GSE1: variants seen among roughly 807,000 people sequenced by gnomAD.
GSE1 encodes Gse1 coiled-coil protein.
Under a neutral mutation model 112.6 loss-of-function variants are expected in GSE1, and 32 were observed. The ratio of observed to expected loss-of-function variants is 0.28; its 90% CI spans 0.21 to 0.38. The LOEUF is 0.38. Among genes scored for constraint, GSE1 ranks in the 10% least tolerant of loss-of-function variants. The probability of loss-of-function intolerance (pLI) is 1.00; values close to 1 mark genes in which losing one functional copy is unlikely to be tolerated. For synonymous variants in GSE1, 1,115 were observed against 735.6 expected (o/e 1.52, Z -8.35); for missense variants, 2,348 against 1,699.2 (o/e 1.38, Z -6.71).
intron 2 of GSE1, among the ~76,000 whole-genome samples, chr16:85,531,939 C>T (rs2044151091): frequency 6.6e-6 from 1 of 152,154 alleles, no homozygotes; most frequent in South Asian, 2.1e-4. Flanking sequence ...AACACAGATT[C>T]CCCAGGGAGC....
At chr16:85,529,607 T>C (rs2052477966) in intron 2 of GSE1, among the ~76,000 whole-genome samples, 1 of 152,158 alleles carries the variant, frequency 6.6e-6, no homozygotes, top group Middle Eastern at 3.2e-3. Context: ...CCACCCCCAC[T>C]ACGGGGCCCC....
intron 2 of GSE1, among the ~76,000 whole-genome samples, chr16:85,365,499 A>G (rs1038345771): frequency 1.3e-5 from 2 of 152,212 alleles, no homozygotes; most frequent in African/African-American, 2.4e-5. Context: ...AGACAGGTTC[A>G]TTGCAGAGCG....
At chr16:85,417,883 G>A (rs906318908) in intron 2 of GSE1, among the ~76,000 whole-genome samples, 2 of 152,136 alleles carry the variant, frequency 1.3e-5, no homozygotes, top group Non-Finnish European at 1.5e-5. Context: ...TCTGTCGGCC[G>A]GGCTGGAGGG....
chr16:85,410,561 T>C (rs1206945641), intron 2 of GSE1, among the ~76,000 whole-genome samples: 1 of 8,626 alleles, frequency 1.2e-4, no homozygotes. Context: ...GCACTCAGGG[T>C]CCCTCTGATA....
chr16:85,394,982 C>T (rs1003961717), intron 2 of GSE1, among the ~76,000 whole-genome samples: 1 of 152,076 alleles, frequency 6.6e-6, no homozygotes, highest in Non-Finnish European at 1.5e-5. Context: ...GCAATTGAGT[C>T]GGGCCTTGAT....
At chr16:85,526,243 G>A (rs980579878) in intron 2 of GSE1, among the ~76,000 whole-genome samples, 20 of 152,364 alleles carry the variant, frequency 1.3e-4, no homozygotes, top group African/African-American at 4.6e-4. Context: ...GGATTAGCTC[G>A]AGAACCCTCT....
chr16:85,609,269 T>C (rs2047855975), upstream of GSE1, among the ~76,000 whole-genome samples: 2 of 152,232 alleles, frequency 1.3e-5, no homozygotes, highest in African/African-American at 4.8e-5. Flanking sequence ...GACAAGGTCT[T>C]GCTCTGTGGC....
chr16:85,359,414 G>A (rs1315713586), intron 2 of GSE1: 15 of 456,052 alleles, frequency 3.3e-5, no homozygotes, highest in South Asian at 1.4e-4. Flanking sequence ...ACCCCTAGGC[G>A]GAGTTTGGCT....
At chr16:85,491,091 C>G in intron 2 of GSE1, among the ~76,000 whole-genome samples, 1 of 152,208 alleles carries the variant, frequency 6.6e-6, no homozygotes, top group African/African-American at 2.4e-5. Flanking sequence ...AGGGGTACAG[C>G]TGGGCCCCCC....
chr16:85,654,523 C>G, intron 4 of GSE1, 73 bp downstream of exon 4: 1 of 1,323,308 alleles, frequency 7.6e-7, no homozygotes, highest in Non-Finnish European at 1.0e-6. Flanking sequence ...GGTCCCCAGG[C>G]AGCCTGCGGT....
chr16:85,494,635 C>G (rs1164643496), intron 2 of GSE1, among the ~76,000 whole-genome samples: 1 of 152,116 alleles, frequency 6.6e-6, no homozygotes, highest in East Asian at 1.9e-4. Flanking sequence ...AACTCCTGGA[C>G]TCAAGCAACC....
upstream of GSE1, chr16:85,611,418 T>A: frequency 1.0e-6 from 1 of 970,236 alleles, no homozygotes. Flanking sequence ...CACCGTGTGG[T>A]GCGTAAATTA....
At position 85,188,986 on chromosome 16, in the gene GSE1, A is replaced by G. The variant is rs552122508; in HGVS notation, c.2283+17179A>G. On this transcript the variant is annotated intron_variant, in intron 1 of 2. Coordinates refer to the GSE1 transcript ENST00000637419. Reference sequence around the variant, plus strand: ...TTTTATCAGACTTGCTGTGGGGGACATGTGACTCCCAGAATGTAAACAACC... The same window carrying G: ...TTTTATCAGACTTGCTGTGGGGGACGTGTGACTCCCAGAATGTAAACAACC... Among the ~76,000 whole-genome samples the G allele has an allele frequency of 1.2e-4, 19 of 152,262 alleles. No individual in the cohort carries two copies. In the South Asian group the frequency reaches 3.3e-3, roughly 27 times the overall value.
intron 1 of GSE1, among the ~76,000 whole-genome samples, chr16:85,246,235 A>ACACACG (rs1555546403): frequency 1.6e-5 from 2 of 128,840 alleles, no homozygotes; most frequent in Admixed American, 1.5e-4. Context: ...ACACACACAC[A>ACACACG]CACGCACACC....
intron 2 of GSE1, among the ~76,000 whole-genome samples, chr16:85,518,143 G>A (rs897576511): frequency 2.0e-5 from 3 of 152,202 alleles, no homozygotes; most frequent in Admixed American, 6.5e-5. Flanking sequence ...CTGCTGCCAC[G>A]GCCCCGCCAT....
At chr16:85,269,136 C>G (rs1354844865) in intron 1 of GSE1, among the ~76,000 whole-genome samples, 1 of 149,352 alleles carries the variant, frequency 6.7e-6, no homozygotes, top group African/African-American at 2.4e-5. Context: ...CACTCAAGAA[C>G]CATACTGTTT....
chr16:85,194,132 C>G (rs1464640606), intron 1 of GSE1, among the ~76,000 whole-genome samples: 2 of 152,170 alleles, frequency 1.3e-5, no homozygotes, highest in African/African-American at 4.8e-5. Flanking sequence ...ACTCTGACTC[C>G]ACGCCCCTGA....
In GSE1 at chr16:85,547,878, C is replaced by CAAAAA. The variant is rs755865916; in HGVS notation, c.2465-86021_2465-86017dup. Among the ~76,000 whole-genome samples the CAAAAA allele has an allele frequency of 2.7e-3, 248 of 92,230 alleles. 1 individual carries two copies. Among genetic ancestry groups the CAAAAA allele is most frequent in the African/African-American group, 6.8e-3 (159 of 23,296 alleles). The allele number at this position is 92,230 out of a possible 152,430, so 60.5% of individuals were successfully genotyped here. A position where few individuals can be genotyped will look rare whatever the true frequency, so the allele number is the denominator to read the frequency against. ...TGGGTGACAGAATGAGTCTCTGTCT[C>CAAAAA]AAAAAAAAAAAAAAAAAAATCAGTG... On this transcript the variant is annotated intron_variant, in intron 2 of 2. Transcript: ENST00000637419.
chr16:85,421,460 G>A (rs575018420), intron 2 of GSE1, among the ~76,000 whole-genome samples: 7 of 152,348 alleles, frequency 4.6e-5, no homozygotes, highest in African/African-American at 1.4e-4. Flanking sequence ...GGGGCACAGA[G>A]AGGGGCAGGG....
Sources: gnomAD v4.1 joint callset for allele counts (sites outside exome capture counted in the v4.1 genomes callset) on GRCh38, gnomAD v4.1.1 for gene constraint, MANE v1.5 for transcripts, NCBI Gene and HGNC (gene_info 2026-07-23, HGNC 2026-07-21) for gene names.